FSTL5: variants seen among roughly 807,000 people sequenced by gnomAD.
FSTL5 encodes the protein follistatin like 5, also known as follistatin-related protein 5.
FSTL5 carries 62 observed loss-of-function variants against 89.1 expected under a neutral mutation model. The ratio of observed to expected loss-of-function variants is 0.70; its 90% confidence interval spans 0.57 to 0.86. The LOEUF is 0.86. Among genes scored for constraint, FSTL5 ranks in the 40% least tolerant of loss-of-function variants. The pLI is 0.00. For synonymous variants in FSTL5, 383 were observed against 346.2 expected, an observed-to-expected ratio of 1.11 and a Z score of -1.18; for missense variants, 1,057 against 1,001.6, an observed-to-expected ratio of 1.06 and a Z score of -0.75.
intron 12 of FSTL5, among the ~76,000 whole-genome samples, chr4:161,488,985 G>A (rs1478463159): frequency 6.6e-6 from 1 of 152,016 alleles, no homozygotes; most frequent in Non-Finnish European, 1.5e-5. Flanking sequence ...CCTGAAAATC[G>A]AGAGGATTAA....
intron 6 of FSTL5, among the ~76,000 whole-genome samples, chr4:161,755,091 T>C (rs1740525127): frequency 6.6e-6 from 1 of 152,064 alleles, no homozygotes; most frequent in South Asian, 2.1e-4. Context: ...AGTATGTCAC[T>C]AAACTTATTA....
intron 3 of FSTL5, among the ~76,000 whole-genome samples, chr4:161,933,126 C>T (rs957682410): frequency 2.6e-5 from 4 of 152,048 alleles, no homozygotes; most frequent in African/African-American, 7.2e-5. Flanking sequence ...ACACGCATGG[C>T]GGGTTAGGTA....
intron 13 of FSTL5, among the ~76,000 whole-genome samples, chr4:161,476,000 G>A (rs1049975490): frequency 1.3e-5 from 2 of 151,930 alleles, no homozygotes; most frequent in African/African-American, 4.8e-5. Flanking sequence ...TGATCCGCCC[G>A]CCTGGGCCTC....
chr4:161,778,814 A>G (rs1375405027), intron 4 of FSTL5, among the ~76,000 whole-genome samples: 1 of 152,240 alleles, frequency 6.6e-6, no homozygotes, highest in Non-Finnish European at 1.5e-5. Context: ...GCACAAAGGG[A>G]ACCTTCAAAT....
chr4:161,512,783 A>G (rs80182211), intron 10 of FSTL5, among the ~76,000 whole-genome samples: 5,558 of 152,242 alleles, frequency 0.037, 344 homozygotes, highest in African/African-American at 0.12. Context: ...TTTAACTGTT[A>G]AAGTTGGATG....
intron 3 of FSTL5, among the ~76,000 whole-genome samples, chr4:161,962,055 TATA>T (rs1237486628): frequency 6.6e-6 from 1 of 151,956 alleles, no homozygotes; most frequent in Admixed American, 6.6e-5. Context: ...GTATAACTAT[TATA>T]ATTTGTTAAA....
At chr4:161,505,018 G>GT (rs1730428325) in intron 11 of FSTL5, among the ~76,000 whole-genome samples, 1 of 152,024 alleles carries the variant, frequency 6.6e-6, no homozygotes, top group Admixed American at 6.6e-5. Context: ...AGTTATAAGT[G>GT]TATGATGTAG....
intron 4 of FSTL5, among the ~76,000 whole-genome samples, chr4:161,792,083 C>T (rs192183088): frequency 6.6e-6 from 1 of 152,286 alleles, no homozygotes; most frequent in African/African-American, 2.4e-5. Context: ...TCCTCCATCC[C>T]CCGCAGGCTT....
intron 4 of FSTL5, among the ~76,000 whole-genome samples, chr4:161,869,892 C>A (rs1037553661): frequency 8.5e-5 from 13 of 152,176 alleles, no homozygotes; most frequent in Non-Finnish European, 2.9e-5. Flanking sequence ...ATTAAAATTT[C>A]TCCTTGTCTT....
At chr4:162,088,472 A>C (rs574356361) in intron 2 of FSTL5, among the ~76,000 whole-genome samples, 1 of 152,174 alleles carries the variant, frequency 6.6e-6, no homozygotes, top group East Asian at 1.9e-4. Context: ...TAACTGCGAC[A>C]TTTTTACTTC....
intron 13 of FSTL5, among the ~76,000 whole-genome samples, chr4:161,480,539 C>T (rs1241436893): frequency 1.3e-5 from 2 of 152,202 alleles, no homozygotes; most frequent in East Asian, 3.9e-4. Flanking sequence ...TTCTCTATCT[C>T]TAACCTACTT....
intron 2 of FSTL5, among the ~76,000 whole-genome samples, chr4:162,063,173 G>A (rs1738777398): frequency 6.6e-6 from 1 of 151,554 alleles, no homozygotes; most frequent in Admixed American, 6.6e-5. Flanking sequence ...ATCATTTGTT[G>A]TTATTGTCTC....
intron 6 of FSTL5, among the ~76,000 whole-genome samples, chr4:161,716,268 C>T (rs1738977706): frequency 6.6e-6 from 1 of 152,100 alleles, no homozygotes; most frequent in South Asian, 2.1e-4. Context: ...TGTTTGTCTC[C>T]ACCTCCGACA....
At chr4:161,693,658 A>G (rs1443990468) in intron 6 of FSTL5, among the ~76,000 whole-genome samples, 2 of 6,366 alleles carry the variant, frequency 3.1e-4, no homozygotes, top group Non-Finnish European at 1.7e-3. Flanking sequence ...TTTTTTTTTG[A>G]GACAGAGTCT....
At chr4:161,949,923 C>T (rs1193730869) in intron 3 of FSTL5, among the ~76,000 whole-genome samples, 1 of 151,982 alleles carries the variant, frequency 6.6e-6, no homozygotes, top group Non-Finnish European at 1.5e-5. Flanking sequence ...TCTGGTAAAT[C>T]TAAGATATTT....
At chr4:162,107,337 A>T (rs1731263212) in intron 2 of FSTL5, among the ~76,000 whole-genome samples, 1 of 152,204 alleles carries the variant, frequency 6.6e-6, no homozygotes, top group African/African-American at 2.4e-5. Flanking sequence ...ATAATAAAGT[A>T]ACCTAATGTA....
At chr4:161,634,067 T>C (rs905777987) in intron 7 of FSTL5, among the ~76,000 whole-genome samples, 2 of 152,212 alleles carry the variant, frequency 1.3e-5, no homozygotes, top group African/African-American at 4.8e-5. Flanking sequence ...CTGTTCCTAA[T>C]CAAAAGTTAA....
intron 3 of FSTL5, among the ~76,000 whole-genome samples, chr4:161,940,372 G>A (rs558674320): frequency 3.3e-4 from 50 of 151,566 alleles, no homozygotes; most frequent in African/African-American, 1.2e-3. Context: ...GAAAATATTT[G>A]AAAAATAACA....
chr4:161,947,248 T>C (rs1489400952), intron 3 of FSTL5, among the ~76,000 whole-genome samples: 1 of 115,668 alleles, frequency 8.6e-6, no homozygotes, highest in Non-Finnish European at 2.1e-5. Context: ...TTTTATTTTT[T>C]AAAGTTCTAT....
Sources: allele counts gnomAD v4.1 joint callset (sites outside exome capture counted in the v4.1 genomes callset), GRCh38; gene constraint gnomAD v4.1.1; transcripts MANE v1.5; gene names NCBI Gene and HGNC (gene_info 2026-07-23, HGNC 2026-07-21).